SLC25A48: variants seen among roughly 807,000 people sequenced by gnomAD.
The protein encoded by SLC25A48 is solute carrier family 25 member 48.
A neutral mutation model predicts 32.2 loss-of-function variants in SLC25A48; 29 were observed. The ratio of observed to expected loss-of-function variants is 0.90; its 90% CI spans 0.67 to 1.23. The LOEUF (loss-of-function observed/expected upper bound fraction) is 1.23. Among genes scored for constraint, SLC25A48 ranks in the 50% most tolerant of loss-of-function variants. The pLI, the probability that SLC25A48 is intolerant of heterozygous loss-of-function variation, is 0.00. For missense variants in SLC25A48, 399 were observed against 422.7 expected, an observed-to-expected ratio of 0.94 and a Z score of 0.49; for synonymous variants, 164 against 172.3, an observed-to-expected ratio of 0.95 and a Z score of 0.38.
At chr5:135,887,234 G>A (rs182742067) in intron 7 of SLC25A48, among the ~76,000 whole-genome samples, 2 of 152,088 alleles carry the variant, frequency 1.3e-5, no homozygotes, top group African/African-American at 4.8e-5. Flanking sequence ...TTTTTGCGGC[G>A]AAGTCTGGCT....
At chr5:135,716,918 A>G (rs557453246) in intron 3 of SLC25A48, among the ~76,000 whole-genome samples, 1 of 152,012 alleles carries the variant, frequency 6.6e-6, no homozygotes, top group South Asian at 2.1e-4. Context: ...TCCCCTAATC[A>G]CTCCTTCCCA....
rs1756780535 is a variant in SLC25A48 at position 135,784,026 on chromosome 5, T to C, written c.-520-28497T>C. Among the ~76,000 whole-genome samples, 3 of 117,908 alleles carry C rather than the reference T, an allele frequency of 2.5e-5. 1 individual carries two copies. The highest frequency in any genetic ancestry group is 6.3e-5 in the Non-Finnish European group (3 of 47,720). 77.4% of individuals were successfully genotyped at this position (117,908 alleles called of 152,430 possible). ...TGTACACTTATCCTGTGATATTGTTTCTAATATCCAGGTAAAGAGAGGGTG... is the reference window on the plus strand; with the variant it reads ...TGTACACTTATCCTGTGATATTGTTCCTAATATCCAGGTAAAGAGAGGGTG... On this transcript the variant is annotated intron_variant, in intron 3 of 10. Coordinates refer to the SLC25A48 transcript ENST00000646290.
upstream of SLC25A48, chr5:135,834,588 G>A (rs903848102): frequency 6.8e-6 from 3 of 443,970 alleles, no homozygotes; most frequent in African/African-American, 2.0e-5. Context: ...TGAGCCGCGC[G>A]GAGCGCACCC....
chr5:135,658,601 G>A (rs534116548), intron 3 of SLC25A48, among the ~76,000 whole-genome samples: 12 of 152,288 alleles, frequency 7.9e-5, no homozygotes, highest in Non-Finnish European at 1.5e-4. Flanking sequence ...GTCTGTGGGC[G>A]CTCCAACCCC....
intron 3 of SLC25A48, among the ~76,000 whole-genome samples, chr5:135,727,259 AC>A (rs200513537): frequency 0.01 from 1,521 of 148,414 alleles, 28 homozygotes; most frequent in African/African-American, 0.035. Flanking sequence ...AGTAAAAAAA[AC>A]ACTCTAAAAT....
At chr5:135,805,218 T>A (rs540736922) in intron 3 of SLC25A48, among the ~76,000 whole-genome samples, 1 of 151,446 alleles carries the variant, frequency 6.6e-6, no homozygotes, top group East Asian at 1.9e-4. Context: ...TCACAGTCAG[T>A]GTACACCCTG....
chr5:135,634,398 G>A (rs1752649622), intron 2 of SLC25A48, among the ~76,000 whole-genome samples: 1 of 152,210 alleles, frequency 6.6e-6, no homozygotes, highest in South Asian at 2.1e-4. Context: ...GGAAGTTCTG[G>A]CTAATGGCCA....
chr5:135,604,983 T>G (rs1751899621), intron 1 of SLC25A48, among the ~76,000 whole-genome samples: 1 of 152,206 alleles, frequency 6.6e-6, no homozygotes, highest in Non-Finnish European at 1.5e-5. Flanking sequence ...CAGTTTCTGG[T>G]GCAGAGTAAG....
chr5:135,806,044 G>T (rs546131185), intron 3 of SLC25A48, among the ~76,000 whole-genome samples: 1 of 151,710 alleles, frequency 6.6e-6, no homozygotes, highest in African/African-American at 2.4e-5. Context: ...CATGTCATTT[G>T]TAATAGCTTA....
At chr5:135,885,452 G>A (rs867361947) in intron 7 of SLC25A48, among the ~76,000 whole-genome samples, 9 of 152,010 alleles carry the variant, frequency 5.9e-5, no homozygotes, top group African/African-American at 2.2e-4. Flanking sequence ...CCCTGTTTTC[G>A]ACCCAGCTCA....
At chr5:135,707,699 C>T (rs918305689) in intron 3 of SLC25A48, among the ~76,000 whole-genome samples, 1 of 144,194 alleles carries the variant, frequency 6.9e-6, no homozygotes, top group Non-Finnish European at 1.5e-5. Context: ...GCAGAAGCAG[C>T]CCCTCCTTTC....
chr5:135,788,101 G>A (rs922322121), intron 3 of SLC25A48, among the ~76,000 whole-genome samples: 1 of 151,970 alleles, frequency 6.6e-6, no homozygotes, highest in Non-Finnish European at 1.5e-5. Flanking sequence ...GGGAGACGGT[G>A]ATATTGCTCC....
At chr5:135,769,823 G>A (rs368525541) in intron 3 of SLC25A48, among the ~76,000 whole-genome samples, 3 of 151,414 alleles carry the variant, frequency 2.0e-5, no homozygotes, top group African/African-American at 7.3e-5. Context: ...ATCGCAGGGA[G>A]TTTACACCCC....
chr5:135,689,511 G>A (rs1363795791), intron 3 of SLC25A48, among the ~76,000 whole-genome samples: 1 of 152,180 alleles, frequency 6.6e-6, no homozygotes, highest in East Asian at 1.9e-4. Context: ...GAGAGCTGAA[G>A]AGCTGGATGT....
At position 135,604,101 on chromosome 5, in the gene SLC25A48, C is replaced by T. The variant is rs578168790; in HGVS notation, c.-849+24504C>T. On this transcript the variant is annotated intron_variant, in intron 1 of 10. Coordinates refer to the SLC25A48 transcript ENST00000646290. ...CACAGTAACTCTGCGTGGTGGGTTC[C>T]GTTATTATGCCCTCTGTGCAGGTGA... is the stretch of plus-strand genomic sequence containing the variant. 5.3e-5 allele frequency among the ~76,000 whole-genome samples: 8 copies of T among 152,262 alleles called. No homozygotes were observed. The East Asian group carries it at 5.8e-4, about 11-fold the overall frequency.
At chr5:135,742,556 A>G in intron 3 of SLC25A48, 1 of 1,398,976 alleles carries the variant, frequency 7.1e-7, no homozygotes, top group Non-Finnish European at 1.0e-6. Context: ...TTTGTGTTTT[A>G]TGGTTTTCAT....
chr5:135,886,764 G>A, intron 7 of SLC25A48, among the ~76,000 whole-genome samples: 1 of 147,626 alleles, frequency 6.8e-6, no homozygotes, highest in Non-Finnish European at 1.5e-5. Flanking sequence ...GGTGACAATG[G>A]CAGGGACCCT....
intron 3 of SLC25A48, among the ~76,000 whole-genome samples, chr5:135,659,996 G>C (rs1753356488): frequency 6.6e-6 from 1 of 152,190 alleles, no homozygotes; most frequent in Admixed American, 6.5e-5. Flanking sequence ...AACCATAACA[G>C]TGTTGAAGCA....
intron 3 of SLC25A48, among the ~76,000 whole-genome samples, chr5:135,806,649 C>T (rs1440324954): frequency 6.7e-6 from 1 of 149,668 alleles, no homozygotes; most frequent in Non-Finnish European, 1.5e-5. Flanking sequence ...TTATAAATAA[C>T]TTAGCACTGT....
Sources: allele counts gnomAD v4.1 joint callset (sites outside exome capture counted in the v4.1 genomes callset), GRCh38; gene constraint gnomAD v4.1.1; transcripts MANE v1.5; gene names NCBI Gene and HGNC (gene_info 2026-07-23, HGNC 2026-07-21).